PAFAH1B1: variants seen among roughly 807,000 people sequenced by gnomAD.
PAFAH1B1 encodes the protein platelet activating factor acetylhydrolase 1b regulatory subunit 1.
PAFAH1B1 carries 2 observed loss-of-function variants against 57.5 expected under a neutral mutation model. That is an observed-to-expected ratio of 0.03 (90% confidence interval 0.01 to 0.11). The LOEUF (loss-of-function observed/expected upper bound fraction) is 0.11. Ranked by LOEUF, PAFAH1B1 falls within the 10% of genes least tolerant of loss-of-function variation. The pLI, the probability that PAFAH1B1 is intolerant of heterozygous loss-of-function variation, is 1.00. For synonymous variants in PAFAH1B1, 152 were observed against 169.6 expected, an observed-to-expected ratio of 0.90 and a Z score of 0.81; for missense variants, 257 against 512.0, an observed-to-expected ratio of 0.50 and a Z score of 4.81.
intron 5 of PAFAH1B1, among the ~76,000 whole-genome samples, chr17:2,668,485 G>A (rs1415103420): frequency 6.6e-6 from 1 of 152,026 alleles, no homozygotes; most frequent in Admixed American, 6.6e-5. Flanking sequence ...TCAGGAGTTA[G>A]AGAGCAGCCT....
At chr17:2,645,923 A>C (rs2068762370) in intron 2 of PAFAH1B1, among the ~76,000 whole-genome samples, 1 of 151,962 alleles carries the variant, frequency 6.6e-6, no homozygotes, top group African/African-American at 2.4e-5. Flanking sequence ...TATATTTCTA[A>C]ATAGCTAAGG....
intron 8 of PAFAH1B1, 122 bp from the exon 9 acceptor site, chr17:2,676,383 A>G: frequency 2.8e-6 from 2 of 716,480 alleles, no homozygotes; most frequent in Non-Finnish European, 4.9e-6. Context: ...GTCTGAAAAC[A>G]AACAAAAAAC....
intron 1 of PAFAH1B1, among the ~76,000 whole-genome samples, chr17:2,602,052 T>C (rs187480096): frequency 1.3e-5 from 2 of 152,326 alleles, no homozygotes; most frequent in Admixed American, 1.3e-4. Context: ...AATTTGTCTT[T>C]AATGGTTCAG....
intron 1 of PAFAH1B1, among the ~76,000 whole-genome samples, chr17:2,612,181 A>G (rs1297756239): frequency 6.6e-6 from 1 of 151,800 alleles, no homozygotes; most frequent in Non-Finnish European, 1.5e-5. Flanking sequence ...TTGAATATTG[A>G]ATAAATGTGC....
chr17:2,647,696 CAG>C (rs1296302246), intron 2 of PAFAH1B1, among the ~76,000 whole-genome samples: 2 of 152,066 alleles, frequency 1.3e-5, no homozygotes, highest in Admixed American at 6.6e-5. Context: ...ATACCCAAGA[CAG>C]GGTAATTTAT....
chr17:2,661,728 G>A (rs1003793370), intron 2 of PAFAH1B1, among the ~76,000 whole-genome samples: 1 of 152,092 alleles, frequency 6.6e-6, no homozygotes, highest in African/African-American at 2.4e-5. Context: ...CTTCATATGA[G>A]CAATGAAATT....
chr17:2,649,214 C>CAA lies in PAFAH1B1; in HGVS notation c.32+10911_32+10912dup, dbSNP rs566280217. Among the ~76,000 whole-genome samples, 150 of 65,772 alleles carry CAA rather than the reference C, an allele frequency of 2.3e-3. 1 individual carries two copies. Among genetic ancestry groups the CAA allele is most frequent in the African/African-American group, 6.9e-3 (131 of 18,968 alleles). The allele number at this position is 65,772 out of a possible 152,430, so 43.1% of individuals were successfully genotyped here. On this transcript the variant is annotated intron_variant, in intron 2 of 10. Transcript: ENST00000397195. ...CCTGGGCAACAAAGCAAGACTGTCT[C>CAA]AAAAAAAAAAAAAAAAAATTAATGG...
intron 1 of PAFAH1B1, among the ~76,000 whole-genome samples, chr17:2,629,887 A>T (rs2068534444): frequency 6.6e-6 from 1 of 152,092 alleles, no homozygotes; most frequent in Non-Finnish European, 1.5e-5. Flanking sequence ...GTTTTGTCTG[A>T]TATGAGAATA....
chr17:2,604,491 G>T (rs1024061857), intron 1 of PAFAH1B1, among the ~76,000 whole-genome samples: 2 of 152,152 alleles, frequency 1.3e-5, no homozygotes, highest in Admixed American at 6.6e-5. Context: ...ACAGCCAAGA[G>T]ATGATACTTG....
chr17:2,599,267 G>A (rs2068114477), intron 1 of PAFAH1B1, among the ~76,000 whole-genome samples: 1 of 152,172 alleles, frequency 6.6e-6, no homozygotes, highest in African/African-American at 2.4e-5. Flanking sequence ...TCGAATGTTA[G>A]GTTAGTGACT....
Position 2,680,418 on chromosome 17 carries a change from CTG to C in PAFAH1B1, c.1159+101_1159+102del, listed in dbSNP as rs2069364299. ...GTGGACTTTGCCAGGTAAGAAATGA[CTG>C]TGCTTTCAGGGCAGAATAGAGAAGA... On this transcript the variant is annotated intron_variant, in intron 10 of 10. Coordinates refer to ENST00000397195, the MANE Select transcript of PAFAH1B1 (RefSeq NM_000430.4). 3.7e-6 allele frequency: 4 copies of C among 1,092,814 alleles called. No individual in the cohort carries two copies. The Admixed American group carries it at 6.7e-5, about 18-fold the overall frequency. The allele number at this position is 1,092,814 out of a possible 1,614,324, so 67.7% of individuals were successfully genotyped here.
chr17:2,652,890 T>C (rs961321319), intron 2 of PAFAH1B1, among the ~76,000 whole-genome samples: 15 of 152,116 alleles, frequency 9.9e-5, no homozygotes, highest in Non-Finnish European at 2.2e-4. Flanking sequence ...ACTGGAAATA[T>C]CATTTGACCC....
At chr17:2,622,525 A>C (rs991710648) in intron 1 of PAFAH1B1, among the ~76,000 whole-genome samples, 8 of 152,238 alleles carry the variant, frequency 5.3e-5, no homozygotes, top group African/African-American at 1.4e-4. Context: ...TCTCAGATCC[A>C]GGTCACGCTG....
At chr17:2,602,332 T>A (rs1001674943) in intron 1 of PAFAH1B1, among the ~76,000 whole-genome samples, 25 of 152,156 alleles carry the variant, frequency 1.6e-4, no homozygotes, top group East Asian at 1.9e-4. Flanking sequence ...GGAAGCATCA[T>A]AATACAACCC....
At chr17:2,661,962 A>G (rs1257553795) in intron 2 of PAFAH1B1, 1 of 151,140 alleles carries the variant, frequency 6.6e-6, no homozygotes, top group Non-Finnish European at 1.5e-5. Flanking sequence ...GAGGCAGGAG[A>G]ATTGCTTGAA....
At chr17:2,599,971 C>CTTTTTTTTTT (rs34442256) in intron 1 of PAFAH1B1, among the ~76,000 whole-genome samples, 2 of 82,774 alleles carry the variant, frequency 2.4e-5, no homozygotes, top group African/African-American at 9.8e-5. Flanking sequence ...CATTTTTAAC[C>CTTTTTTTTTT]TTTTTTTTTT....
intron 1 of PAFAH1B1, among the ~76,000 whole-genome samples, chr17:2,594,439 G>A (rs2068061242): frequency 6.6e-6 from 1 of 152,174 alleles, no homozygotes; most frequent in African/African-American, 2.4e-5. Flanking sequence ...TGCTCTCCCC[G>A]GCCGCGGAGA....
At position 2,669,800 on chromosome 17, in the gene PAFAH1B1, T is replaced by C. The variant is rs116442411; in HGVS notation, c.400-363T>C. Among the ~76,000 whole-genome samples, 129 of 152,176 alleles carry C rather than the reference T, an allele frequency of 8.5e-4. 2 individuals are homozygous for C. The highest frequency in any genetic ancestry group is 3.0e-3 in the African/African-American group (124 of 41,528). The stretch of plus-strand genomic sequence containing the variant: ...TCTTTCCCTTTCCTTTCCATCTCTT[T>C]CTCTTTCTTTCCTCTTATTTCTTCC... On this transcript the variant is annotated intron_variant, in intron 5 of 10. Transcript: ENST00000397195.
At position 2,607,059 on chromosome 17, in the gene PAFAH1B1, T is replaced by C. The variant is rs561548237; in HGVS notation, c.-191+13053T>C. On this transcript the variant is annotated intron_variant, in intron 1 of 10. Coordinates refer to ENST00000397195, the MANE Select transcript of PAFAH1B1 (RefSeq NM_000430.4). ...TAGGATGGTCTCGATTTCCTGACATTGTGATCCACCCGCCTCGGCCTCCTG... is the reference window on the plus strand; with the variant it reads ...TAGGATGGTCTCGATTTCCTGACATCGTGATCCACCCGCCTCGGCCTCCTG... 2.2e-3 allele frequency among the ~76,000 whole-genome samples: 329 copies of C among 151,732 alleles called. 1 individual carries two copies. The highest frequency in any genetic ancestry group is 7.5e-3 in the African/African-American group (311 of 41,382).
Sources: allele counts gnomAD v4.1 joint callset (sites outside exome capture counted in the v4.1 genomes callset), GRCh38; gene constraint gnomAD v4.1.1; transcripts MANE v1.5; gene names NCBI Gene and HGNC (gene_info 2026-07-23, HGNC 2026-07-21).